Variants in ANK3 observed in about 807,000 individuals in gnomAD.
The protein encoded by ANK3 is ankyrin 3.
A neutral mutation model predicts 370.9 loss-of-function variants in ANK3; 57 were observed. The observed-to-expected ratio is 0.15, with a 90% confidence interval of 0.12 to 0.19. The LOEUF (loss-of-function observed/expected upper bound fraction) is 0.19, where lower values mean the gene tolerates loss of function less well. Ranked by LOEUF, ANK3 falls within the 10% of genes least tolerant of loss-of-function variation. The pLI is 1.00. For missense variants in ANK3, 4,439 were observed against 5,302.1 expected (o/e 0.84, Z 5.06); for synonymous variants, 1,929 against 1,946.3 (o/e 0.99, Z 0.23).
chr10:60,304,291 C>G (rs2132817010), intron 1 of ANK3, among the ~76,000 whole-genome samples: 1 of 151,580 alleles, frequency 6.6e-6, no homozygotes, highest in Non-Finnish European at 1.5e-5. Context: ...AAAAAAATAA[C>G]TATAAAAGGT....
intron 1 of ANK3, among the ~76,000 whole-genome samples, chr10:60,717,496 T>C (rs1397801566): frequency 6.6e-6 from 1 of 152,236 alleles, no homozygotes; most frequent in Non-Finnish European, 1.5e-5. Flanking sequence ...ATATTGAACA[T>C]GGATTACCTA....
At chr10:60,450,423 G>A (rs190656025) in intron 2 of ANK3, among the ~76,000 whole-genome samples, 2 of 152,280 alleles carry the variant, frequency 1.3e-5, no homozygotes, top group Admixed American at 6.5e-5. Flanking sequence ...TTAACAATCA[G>A]CAATCAGCTC....
At chr10:60,227,362 T>A (rs550116137) in intron 8 of ANK3, among the ~76,000 whole-genome samples, 45 of 152,018 alleles carry the variant, frequency 3.0e-4, no homozygotes, top group Non-Finnish European at 4.6e-4. Context: ...TTAAATTTTT[T>A]TCTTTTTGAT....
At chr10:60,446,951 G>A (rs1395953507) in intron 2 of ANK3, among the ~76,000 whole-genome samples, 1 of 152,206 alleles carries the variant, frequency 6.6e-6, no homozygotes, top group Non-Finnish European at 1.5e-5. Flanking sequence ...GGTCTTGTAT[G>A]TAAGAAGTAC....
intron 1 of ANK3, among the ~76,000 whole-genome samples, chr10:60,687,234 A>G (rs1335934199): frequency 6.6e-6 from 1 of 152,164 alleles, no homozygotes; most frequent in African/African-American, 2.4e-5. Context: ...CCCTCTCAAT[A>G]GTTTATTAAT....
intron 1 of ANK3, among the ~76,000 whole-genome samples, chr10:60,722,336 C>G (rs1481109539): frequency 6.6e-6 from 1 of 151,950 alleles, no homozygotes; most frequent in African/African-American, 2.4e-5. Context: ...GCCACCAGCT[C>G]AGGAGACTGA....
chr10:60,513,594 C>T (rs752303455), intron 2 of ANK3, among the ~76,000 whole-genome samples: 2 of 152,014 alleles, frequency 1.3e-5, no homozygotes, highest in South Asian at 2.1e-4. Context: ...AAATATGAGT[C>T]CAAATTTGAA....
intron 7 of ANK3, among the ~76,000 whole-genome samples, chr10:60,237,793 G>A (rs552976381): frequency 3.3e-5 from 5 of 152,086 alleles, no homozygotes; most frequent in African/African-American, 9.7e-5. Flanking sequence ...CTTAAACAGC[G>A]TTGTAAAGGA....
At chr10:60,262,793 C>T (rs1230200498) in intron 6 of ANK3, among the ~76,000 whole-genome samples, 1 of 152,162 alleles carries the variant, frequency 6.6e-6, no homozygotes, top group African/African-American at 2.4e-5. Flanking sequence ...AGTAGAATGA[C>T]AGGGTTGTCT....
chr10:60,207,225 A>G (rs2096777162), intron 10 of ANK3, among the ~76,000 whole-genome samples: 1 of 152,202 alleles, frequency 6.6e-6, no homozygotes, highest in Non-Finnish European at 1.5e-5. Flanking sequence ...TCTGAATTTT[A>G]GAGCCCACAG....
rs10994333 is a variant in ANK3, at chr10:60,413,293, A to T, written c.97-133654T>A. 8.7e-3 allele frequency among the ~76,000 whole-genome samples: 1,320 copies of T among 152,348 alleles called. 10 individuals carry two copies. The highest frequency in any genetic ancestry group is 0.019 in the East Asian group (99 of 5,186). ...AGTATACAAGTGAAGAATTCATGAAATGAATGAGAATGAATATGAAACTGT... is the reference window on the plus strand; with the variant it reads ...AGTATACAAGTGAAGAATTCATGAATTGAATGAGAATGAATATGAAACTGT... On this transcript the variant is annotated intron_variant, in intron 2 of 43. Coordinates refer to the ANK3 transcript ENST00000373827.
chr10:60,117,206 C>T (rs1393328231), intron 25 of ANK3, among the ~76,000 whole-genome samples: 1 of 152,142 alleles, frequency 6.6e-6, no homozygotes, highest in Non-Finnish European at 1.5e-5. Context: ...ATGTACTCCA[C>T]CAAAGTGAAG....
chr10:60,326,711 C>A (rs1239178603), intron 1 of ANK3, among the ~76,000 whole-genome samples: 1 of 152,030 alleles, frequency 6.6e-6, no homozygotes, highest in African/African-American at 2.4e-5. Context: ...GATTCCCTGT[C>A]TTCTCTCCTT....
chr10:60,381,460 G>A (rs1020157538), intron 1 of ANK3, among the ~76,000 whole-genome samples: 2 of 152,120 alleles, frequency 1.3e-5, no homozygotes, highest in Non-Finnish European at 2.9e-5. Context: ...TGAGGGCTGT[G>A]GAAAGTTTGC....
intron 1 of ANK3, among the ~76,000 whole-genome samples, chr10:60,626,936 A>G (rs1266812990): frequency 1.3e-5 from 2 of 152,146 alleles, no homozygotes; most frequent in Non-Finnish European, 2.9e-5. Flanking sequence ...AGAAAACCAC[A>G]TAGAGGTAAA....
At chr10:60,344,652 C>CGT (rs2055006877) in intron 1 of ANK3, among the ~76,000 whole-genome samples, 2 of 151,370 alleles carry the variant, frequency 1.3e-5, no homozygotes, top group South Asian at 4.2e-4. Flanking sequence ...CTTCAAAACT[C>CGT]TTAAAAAATG....
chr10:60,617,584 G>C (rs941369268), intron 1 of ANK3, among the ~76,000 whole-genome samples: 6 of 152,090 alleles, frequency 3.9e-5, no homozygotes, highest in African/African-American at 1.4e-4. Context: ...TCAGTGCCTA[G>C]CACAGCATAA....
chr10:60,315,816 T>C (rs2047289951), intron 1 of ANK3, among the ~76,000 whole-genome samples: 1 of 152,092 alleles, frequency 6.6e-6, no homozygotes, highest in Admixed American at 6.6e-5. Context: ...TTTGCTACCA[T>C]TCTCTTCCCA....
chr10:60,380,505 TC>T (rs2061415751), intron 1 of ANK3, among the ~76,000 whole-genome samples: 1 of 152,184 alleles, frequency 6.6e-6, no homozygotes, highest in African/African-American at 2.4e-5. Context: ...TTTGAAACTT[TC>T]AGAGTATAAC....
Sources: gnomAD v4.1 joint callset for allele counts (sites outside exome capture counted in the v4.1 genomes callset) on GRCh38, gnomAD v4.1.1 for gene constraint, MANE v1.5 for transcripts, NCBI Gene and HGNC (gene_info 2026-07-23, HGNC 2026-07-21) for gene names.